The following SAMMSON variants were observed in gnomAD, a reference collection of about 807,000 sequenced individuals.
SAMMSON encodes long intergenic non-protein coding RNA 1212.
At chr3:70,390,798 A>C (rs1701038863), downstream of SAMMSON, among the ~76,000 whole-genome samples, 1 of 152,156 alleles carries the variant, frequency 6.6e-6, no homozygotes, top group African/African-American at 2.4e-5. Context: ...GAAAATAGTA[A>C]GGTATAAAAT....
chr3:70,255,425 AT>A (rs5849942), intron 6 of SAMMSON, among the ~76,000 whole-genome samples: 16,298 of 151,718 alleles, frequency 0.11, 1,046 homozygotes, highest in East Asian at 0.21. Context: ...TGATTCAGTA[AT>A]TTTTTTTTCT....
At chr3:70,024,147 TTCTTTGACCCAAAGAACAATG>T (rs756007143) in intron 3 of SAMMSON, among the ~76,000 whole-genome samples, 1 of 152,228 alleles carries the variant, frequency 6.6e-6, no homozygotes, top group Non-Finnish European at 1.5e-5. Flanking sequence ...AGATTGGCAG[TTCTTTGACCCAAAGAACAATG>T]TCTCACATTT....
At chr3:70,102,801 G>A (rs939332712) in intron 4 of SAMMSON, among the ~76,000 whole-genome samples, 2 of 152,142 alleles carry the variant, frequency 1.3e-5, no homozygotes, top group Non-Finnish European at 2.9e-5. Context: ...GAGAGCGAAA[G>A]TTAATGGATG....
At chr3:70,236,779 A>T (rs977769895) in intron 4 of SAMMSON, among the ~76,000 whole-genome samples, 1 of 152,022 alleles carries the variant, frequency 6.6e-6, no homozygotes, top group Non-Finnish European at 1.5e-5. Context: ...CTTTTTTTGT[A>T]GGAATGGGGT....
At chr3:70,185,239 A>AT (rs1235193979) in intron 4 of SAMMSON, among the ~76,000 whole-genome samples, 1 of 152,222 alleles carries the variant, frequency 6.6e-6, no homozygotes, top group Non-Finnish European at 1.5e-5. Flanking sequence ...GATTTGCCAC[A>AT]AAAGGAGAAA....
intron 7 of SAMMSON, among the ~76,000 whole-genome samples, chr3:70,318,602 A>G (rs1172593622): frequency 2.0e-5 from 3 of 151,890 alleles, no homozygotes; most frequent in African/African-American, 7.3e-5. Flanking sequence ...ACTTTCTGGC[A>G]ACTCCAACAT....
chr3:70,363,951 T>C (rs148719832), intron 9 of SAMMSON, among the ~76,000 whole-genome samples: 129 of 152,036 alleles, frequency 8.5e-4, no homozygotes, highest in African/African-American at 2.2e-3. Context: ...TCTAGCTTTT[T>C]TGTCTGTTTA....
intron 7 of SAMMSON, among the ~76,000 whole-genome samples, chr3:70,322,067 A>T (rs531796467): frequency 1.5e-4 from 23 of 152,210 alleles, no homozygotes; most frequent in Admixed American, 5.9e-4. Flanking sequence ...TGACTGCAGC[A>T]ATATAAAATA....
intron 6 of SAMMSON, among the ~76,000 whole-genome samples, chr3:70,276,334 A>G (rs1040309859): frequency 2.3e-4 from 35 of 152,204 alleles, no homozygotes; most frequent in African/African-American, 8.4e-4. Context: ...CATCTTATGA[A>G]CACACTTTCT....
At chr3:70,237,543 CT>C (rs1281232748) in intron 4 of SAMMSON, among the ~76,000 whole-genome samples, 2 of 152,196 alleles carry the variant, frequency 1.3e-5, no homozygotes, top group Non-Finnish European at 1.5e-5. Context: ...TGTCTTACAC[CT>C]CTTACTCTTC....
intron 2 of SAMMSON, among the ~76,000 whole-genome samples, chr3:70,398,493 T>A (rs1575641196): frequency 6.6e-6 from 1 of 152,212 alleles, no homozygotes; most frequent in East Asian, 1.9e-4. Flanking sequence ...AGCACATTCT[T>A]ATTACTAATT....
chr3:70,409,595 C>T (rs1051938873), intron 2 of SAMMSON, among the ~76,000 whole-genome samples: 13 of 152,150 alleles, frequency 8.5e-5, no homozygotes, highest in Non-Finnish European at 1.9e-4. Context: ...CATTTAACCT[C>T]TCCCATGCTT....
chr3:70,432,481 A>C (rs910004752), intron 2 of SAMMSON, among the ~76,000 whole-genome samples: 2 of 151,938 alleles, frequency 1.3e-5, no homozygotes, highest in East Asian at 3.9e-4. Context: ...CTATCTCTTA[A>C]TTAATAAACT....
At chr3:70,349,999 C>T (rs1439732749) in intron 7 of SAMMSON, among the ~76,000 whole-genome samples, 1 of 152,152 alleles carries the variant, frequency 6.6e-6, no homozygotes, top group African/African-American at 2.4e-5. Flanking sequence ...TCTATAGATA[C>T]ATTGATTAAA....
At chr3:70,308,758 A>C (rs1009235841) in intron 7 of SAMMSON, among the ~76,000 whole-genome samples, 1 of 152,128 alleles carries the variant, frequency 6.6e-6, no homozygotes, top group Non-Finnish European at 1.5e-5. Flanking sequence ...AAATGATATG[A>C]ATGTTTGAAG....
At chr3:70,167,364 G>T (rs2067641961) in intron 4 of SAMMSON, among the ~76,000 whole-genome samples, 1 of 151,958 alleles carries the variant, frequency 6.6e-6, no homozygotes, top group South Asian at 2.1e-4. Context: ...ATAGTGAGCA[G>T]AATTCTAACA....
At chr3:70,410,819 A>AGGGC (rs1229699420) in intron 2 of SAMMSON, among the ~76,000 whole-genome samples, 1 of 152,212 alleles carries the variant, frequency 6.6e-6, no homozygotes, top group African/African-American at 2.4e-5. Flanking sequence ...AGTTATTACT[A>AGGGC]GGGCTTGCTT....
chr3:70,343,023 C>T (rs1250849866), intron 7 of SAMMSON, among the ~76,000 whole-genome samples: 1 of 152,140 alleles, frequency 6.6e-6, no homozygotes, highest in African/African-American at 2.4e-5. Context: ...GGAGATGTTA[C>T]TCTTTTAAAG....
At chr3:70,244,308 G>A (rs1701686322) in intron 4 of SAMMSON, among the ~76,000 whole-genome samples, 1 of 152,186 alleles carries the variant, frequency 6.6e-6, no homozygotes, top group South Asian at 2.1e-4. Flanking sequence ...CCACTGCAGT[G>A]TAGACTTTTT....
Sources: gnomAD v4.1 joint callset for allele counts (sites outside exome capture counted in the v4.1 genomes callset) on GRCh38, gnomAD v4.1.1 for gene constraint, MANE v1.5 for transcripts, NCBI Gene and HGNC (gene_info 2026-07-23, HGNC 2026-07-21) for gene names.